ATP8A2: variants seen among roughly 807,000 people sequenced by gnomAD.
ATP8A2 encodes ATPase phospholipid transporting 8A2.
A neutral mutation model predicts 165.6 loss-of-function variants in ATP8A2; 100 were observed. The observed-to-expected ratio is 0.60, with a 90% CI of 0.51 to 0.71. ATP8A2 has a LOEUF of 0.71. Among genes scored for constraint, ATP8A2 ranks in the 30% least tolerant of loss-of-function variants. The pLI is 0.00. For synonymous variants in ATP8A2, 543 were observed against 548.8 expected (o/e 0.99, Z 0.15); for missense variants, 1,227 against 1,479.5 (o/e 0.83, Z 2.80).
At chr13:25,770,984 C>G (rs1185851168) in intron 26 of ATP8A2, among the ~76,000 whole-genome samples, 1 of 152,204 alleles carries the variant, frequency 6.6e-6, no homozygotes. Context: ...GGGGCTCCAC[C>G]TCTCCAAAGC....
chr13:25,564,526 A>C (rs1438612578), intron 16 of ATP8A2, among the ~76,000 whole-genome samples: 1 of 152,206 alleles, frequency 6.6e-6, no homozygotes, highest in African/African-American at 2.4e-5. Flanking sequence ...GGTGACAAGG[A>C]AGTTAAATAA....
rs570758617 is a variant in ATP8A2, at chr13:25,513,164, G to A, written c.222-16835G>A. Among the ~76,000 whole-genome samples the A allele has an allele frequency of 5.9e-5, 9 of 151,896 alleles. No homozygotes were observed. In the East Asian group the frequency reaches 1.2e-3, roughly 20 times the overall value. ...GAGGGGCTCCTCACCTCTCAGATGG[G>A]GCGGCTGCCGGGCGGAGAGGCTCCT... On this transcript the variant is annotated intron_variant, in intron 2 of 36. Coordinates refer to ENST00000381655, the MANE Select transcript of ATP8A2 (RefSeq NM_016529.6).
chr13:25,893,464 G>A (rs1953441219), intron 33 of ATP8A2, among the ~76,000 whole-genome samples: 1 of 151,750 alleles, frequency 6.6e-6, no homozygotes, highest in Non-Finnish European at 1.5e-5. Flanking sequence ...GGGACATTTG[G>A]GTTGGTTCCA....
intron 33 of ATP8A2, among the ~76,000 whole-genome samples, chr13:25,904,939 G>A (rs1390588110): frequency 6.6e-6 from 1 of 152,200 alleles, no homozygotes; most frequent in Non-Finnish European, 1.5e-5. Flanking sequence ...TGTTATTGAT[G>A]TGAGGTATCT....
intron 1 of ATP8A2, among the ~76,000 whole-genome samples, chr13:25,379,093 G>C (rs1257277876): frequency 2.0e-5 from 3 of 152,138 alleles, no homozygotes; most frequent in South Asian, 2.1e-4. Context: ...GTTAAGGCAG[G>C]CTCCTTAATT....
At chr13:25,542,128 A>G in intron 9 of ATP8A2, 82 bp downstream of exon 9, 1 of 1,383,558 alleles carries the variant, frequency 7.2e-7, no homozygotes, top group Non-Finnish European at 1.0e-6. Context: ...TTTGTTTCCT[A>G]GTTTTGTAAT....
At chr13:25,713,775 T>A (rs989937393) in intron 25 of ATP8A2, among the ~76,000 whole-genome samples, 1 of 152,016 alleles carries the variant, frequency 6.6e-6, no homozygotes, top group East Asian at 1.9e-4. Context: ...CAACGTGCCA[T>A]GTTCTGGGTC....
At chr13:25,831,304 T>G (rs754550280) in intron 28 of ATP8A2, among the ~76,000 whole-genome samples, 5 of 147,254 alleles carry the variant, frequency 3.4e-5, no homozygotes, top group Non-Finnish European at 7.4e-5. Context: ...AAGTTCCACC[T>G]CCCGGGTTCA....
In ATP8A2 at chr13:25,372,744, G is replaced by A. The variant is rs907573405; in HGVS notation, c.76+456G>A. Among the ~76,000 whole-genome samples the A allele has an allele frequency of 1.3e-5, 2 of 152,222 alleles. No individual in the cohort carries two copies. Among genetic ancestry groups the A allele is most frequent in the Non-Finnish European group, 2.9e-5 (2 of 68,032 alleles). On this transcript the variant is annotated intron_variant, in intron 1 of 36. Coordinates refer to ENST00000381655, the MANE Select transcript of ATP8A2 (RefSeq NM_016529.6). The surrounding 1 kb of genome is among the most constrained non-coding windows in gnomAD (Gnocchi z 4.8). ...AGCTCAAAAGCAGAGGGGGAAAAAGGCATCCGAAGGGTCCCTCGAGTGATT... is the reference window on the plus strand; with the variant it reads ...AGCTCAAAAGCAGAGGGGGAAAAAGACATCCGAAGGGTCCCTCGAGTGATT...
At chr13:25,717,387 C>T (rs979284763) in intron 25 of ATP8A2, among the ~76,000 whole-genome samples, 1 of 143,270 alleles carries the variant, frequency 7.0e-6, no homozygotes, top group Non-Finnish European at 1.5e-5. Context: ...GAGCTCTGTC[C>T]AGGCATTATT....
intron 35 of ATP8A2, among the ~76,000 whole-genome samples, chr13:26,005,987 G>A (rs987471072): frequency 1.3e-5 from 2 of 151,658 alleles, no homozygotes; most frequent in Admixed American, 6.6e-5. Context: ...TGGTTATTTT[G>A]GGTCCCTTAT....
intron 24 of ATP8A2, among the ~76,000 whole-genome samples, chr13:25,638,277 GAGA>G (rs1247541962): frequency 1.3e-5 from 2 of 152,236 alleles, no homozygotes; most frequent in East Asian, 3.9e-4. Flanking sequence ...GATGAGTTGA[GAGA>G]AGAAGGCTTC....
chr13:25,803,765 T>A lies in ATP8A2; in HGVS notation c.2680-24353T>A, dbSNP rs1399238357. Among the ~76,000 whole-genome samples the A allele has an allele frequency of 2.0e-5, 3 of 152,350 alleles. No homozygotes were observed. In the East Asian group the frequency reaches 5.8e-4, roughly 29 times the overall value. ...CTTAGCCAAACCTGTTTGTTGTTAA[T>A]ACGTTGGAATATTACCTGCTGTTTC... On this transcript the variant is annotated intron_variant, in intron 27 of 36. Transcript: ENST00000381655.
At chr13:25,599,293 T>C (rs1157547002) in intron 24 of ATP8A2, among the ~76,000 whole-genome samples, 2 of 152,214 alleles carry the variant, frequency 1.3e-5, no homozygotes, top group Non-Finnish European at 2.9e-5. Flanking sequence ...TGTCTCCTCA[T>C]AGCAGTGAGA....
chr13:25,992,124 G>A (rs1478852309), intron 35 of ATP8A2, among the ~76,000 whole-genome samples: 1 of 151,548 alleles, frequency 6.6e-6, no homozygotes, highest in East Asian at 1.9e-4. Flanking sequence ...AAACTGCCAA[G>A]CTGTTTTTCA....
chr13:25,778,017 T>G (rs2044780584), intron 27 of ATP8A2, among the ~76,000 whole-genome samples: 1 of 152,234 alleles, frequency 6.6e-6, no homozygotes, highest in Non-Finnish European at 1.5e-5. Flanking sequence ...GTGCAGAGCC[T>G]TCTGCAACTC....
intron 24 of ATP8A2, among the ~76,000 whole-genome samples, chr13:25,645,958 A>G (rs2137596754): frequency 6.6e-6 from 1 of 152,290 alleles, no homozygotes; most frequent in African/African-American, 2.4e-5. Flanking sequence ...GTTTAAGTCC[A>G]GTGTTCCCTT....
chr13:25,761,898 C>T (rs1477902261), intron 25 of ATP8A2, among the ~76,000 whole-genome samples: 5 of 151,808 alleles, frequency 3.3e-5, no homozygotes, highest in African/African-American at 9.7e-5. Context: ...AAAAACTAAG[C>T]TTAGGTGTTA....
At chr13:25,887,748 C>T (rs1953205272) in intron 33 of ATP8A2, among the ~76,000 whole-genome samples, 1 of 152,212 alleles carries the variant, frequency 6.6e-6, no homozygotes. Flanking sequence ...GCTTTCTTTA[C>T]ATCCACCCTG....
Sources: allele counts gnomAD v4.1 joint callset (sites outside exome capture counted in the v4.1 genomes callset), GRCh38; gene constraint gnomAD v4.1.1; non-coding constraint Gnocchi (gnomAD v3.1); transcripts MANE v1.5; gene names NCBI Gene and HGNC (gene_info 2026-07-23, HGNC 2026-07-21).